ATXN2: variants seen among roughly 807,000 people sequenced by gnomAD.
ATXN2 encodes ataxin-2.
In ATXN2, 37 loss-of-function variants were observed where a neutral mutation model predicts 138.6. That is an observed-to-expected ratio of 0.27 (90% confidence interval 0.21 to 0.35). The LOEUF is 0.35. Ranked by LOEUF, ATXN2 falls within the 10% of genes least tolerant of loss-of-function variation. The pLI, the probability that ATXN2 is intolerant of heterozygous loss-of-function variation, is 1.00. For synonymous variants in ATXN2, 549 were observed against 543.7 expected (o/e 1.01, Z -0.13); for missense variants, 1,216 against 1,480.3 (o/e 0.82, Z 2.93).
chr12:111,487,293 G>A (rs1566019814), intron 15 of ATXN2, among the ~76,000 whole-genome samples: 1 of 151,754 alleles, frequency 6.6e-6, no homozygotes, highest in Non-Finnish European at 1.5e-5. Context: ...CACCATTTTG[G>A]CCACGCTGAC....
intron 14 of ATXN2, among the ~76,000 whole-genome samples, chr12:111,491,326 C>A (rs4354748): frequency 0.071 from 10,850 of 152,120 alleles, 1,347 homozygotes; most frequent in East Asian, 0.57. Context: ...CCTAAATAAA[C>A]TTGAAAGGCA....
chr12:111,520,019 G>C lies in ATXN2; in HGVS notation c.846C>G (p.Asn282Lys), dbSNP rs1880068395. ...TTGACTCAATTTCTTCTGCTAACTG[G>C]TTTGCCCTTGCTTCCCGTTTTAAAA... Reference protein sequence around the residue: ...EEFLKREARANQLAEEIESSA... With the variant: ...EEFLKREARAKQLAEEIESSA... Residue 282 changes from asparagine (N) to lysine (K), a missense_variant, in exon 8 of 25, where the codon AAC becomes AAG. Physicochemically the swap from Asn to Lys is moderately conservative, Grantham distance 94 (BLOSUM62 0). Around this residue, in one of 4 missense-constraint regions of ATXN2, gnomAD observed 401 missense variants for 528.1 expected, o/e 0.76. Coordinates refer to ENST00000673436, the MANE Select transcript of ATXN2 (RefSeq NM_001372574.1). 1 of 1,614,000 alleles carries C rather than the reference G, an allele frequency of 6.2e-7. No homozygotes were observed. Among genetic ancestry groups the C allele is most frequent in the African/African-American group, 1.3e-5 (1 of 74,986 alleles).
intron 8 of ATXN2, among the ~76,000 whole-genome samples, chr12:111,518,725 T>C (rs888032107): frequency 6.6e-5 from 10 of 152,162 alleles, no homozygotes; most frequent in African/African-American, 1.2e-4. Flanking sequence ...CTTCACAACA[T>C]TTTTTGTCCT....
chr12:111,531,325 A>T (rs1297453931), intron 5 of ATXN2, among the ~76,000 whole-genome samples: 2 of 152,242 alleles, frequency 1.3e-5, no homozygotes, highest in East Asian at 3.9e-4. Context: ...AGGCAGGCGA[A>T]TTGCTTGAAC....
At chr12:111,513,566 TAA>T (rs780223738) in intron 10 of ATXN2, 27 bp from the exon 11 acceptor site, 1 of 1,595,316 alleles carries the variant, frequency 6.3e-7, no homozygotes, top group Non-Finnish European at 8.5e-7. Context: ...GAACATCACA[TAA>T]ATTCCATGAT....
intron 14 of ATXN2, among the ~76,000 whole-genome samples, chr12:111,505,921 A>C (rs535452368): frequency 6.6e-6 from 1 of 152,366 alleles, no homozygotes; most frequent in Admixed American, 6.5e-5. Flanking sequence ...CAGAATAGTC[A>C]AACAGTGAGA....
chr12:111,502,424 GTTCTTTTTTT>G (rs1201344211), intron 14 of ATXN2, among the ~76,000 whole-genome samples: 2 of 151,954 alleles, frequency 1.3e-5, no homozygotes, highest in Non-Finnish European at 2.9e-5. Flanking sequence ...GAAAACTTAA[GTTCTTTTTTT>G]TTCTTTTTTT....
chr12:111,585,868 G>GT (rs1592931400), intron 1 of ATXN2, among the ~76,000 whole-genome samples: 1 of 143,286 alleles, frequency 7.0e-6, no homozygotes, highest in East Asian at 2.1e-4. Context: ...TCTTGTGTCT[G>GT]TTTTTTAGTA....
At chr12:111,528,294 T>C (rs747020921) in intron 5 of ATXN2, among the ~76,000 whole-genome samples, 23 of 152,186 alleles carry the variant, frequency 1.5e-4, no homozygotes, top group Admixed American at 1.3e-4. Flanking sequence ...TGAAAATATT[T>C]AGAAAGTCTT....
At chr12:111,476,999 C>T (rs1180818004) in intron 18 of ATXN2, among the ~76,000 whole-genome samples, 2 of 151,966 alleles carry the variant, frequency 1.3e-5, no homozygotes, top group Non-Finnish European at 2.9e-5. Flanking sequence ...ATCAATACAA[C>T]AAAACAGTTC....
At chr12:111,513,089 C>T (rs1297857993) in intron 11 of ATXN2, 3 of 392,714 alleles carry the variant, frequency 7.6e-6, no homozygotes, top group Non-Finnish European at 1.4e-5. Context: ...AATCTCATCA[C>T]AATCCCATAA....
At chr12:111,506,518 C>T (rs945469349) in intron 14 of ATXN2, among the ~76,000 whole-genome samples, 4 of 151,926 alleles carry the variant, frequency 2.6e-5, no homozygotes, top group African/African-American at 9.7e-5. Context: ...ATATTAAATT[C>T]AATCCAAGTG....
chr12:111,502,258 ATAC>A (rs2135718519), intron 14 of ATXN2, among the ~76,000 whole-genome samples: 2 of 152,284 alleles, frequency 1.3e-5, no homozygotes, highest in South Asian at 2.1e-4. Flanking sequence ...TTTGATGTAG[ATAC>A]TATTATTGCC....
intron 1 of ATXN2, among the ~76,000 whole-genome samples, chr12:111,565,104 T>A (rs7137348): frequency 0.1 from 15,277 of 152,164 alleles, 2,558 homozygotes; most frequent in African/African-American, 0.35. Flanking sequence ...ATGTCATGAA[T>A]GTCCCCATAT....
chr12:111,512,325 G>A (rs973643194), intron 11 of ATXN2: 1 of 151,994 alleles, frequency 6.6e-6, no homozygotes, highest in Admixed American at 6.6e-5. Context: ...TTGTTTGTTT[G>A]TTTTAAGTAT....
chr12:111,516,504 TAA>T lies in ATXN2; in HGVS notation c.1166-143_1166-142del. The T allele has an allele frequency of 2.4e-6, 2 of 831,758 alleles. No individual in the cohort carries two copies. The highest frequency in any genetic ancestry group is 3.7e-6 in the Non-Finnish European group (2 of 543,442). 51.5% of individuals were successfully genotyped at this position (831,758 alleles called of 1,614,324 possible). ...TTGAGGACAGTCATTTGATTTGTGA[TAA>T]GTTTTAGCATAACTTAACTGACATA... On this transcript the variant is annotated intron_variant, in intron 9 of 24. Coordinates refer to ENST00000673436, the MANE Select transcript of ATXN2 (RefSeq NM_001372574.1). This position sits in a 1 kb window ranked among gnomAD's most constrained non-coding sequence, Gnocchi z 5.0.
chr12:111,503,419 T>A (rs1017357269), intron 14 of ATXN2, among the ~76,000 whole-genome samples: 24 of 152,120 alleles, frequency 1.6e-4, no homozygotes, highest in Non-Finnish European at 5.9e-5. Flanking sequence ...AGAACTTGCT[T>A]GACAGAGATG....
chr12:111,521,641 C>T (rs373354661), intron 6 of ATXN2, among the ~76,000 whole-genome samples: 1 of 152,120 alleles, frequency 6.6e-6, no homozygotes, highest in East Asian at 1.9e-4. Context: ...AGTTGTGACA[C>T]CTCAGAAGTG....
At chr12:111,536,041 G>A (rs905179300) in intron 5 of ATXN2, among the ~76,000 whole-genome samples, 1 of 151,748 alleles carries the variant, frequency 6.6e-6, no homozygotes, top group African/African-American at 2.4e-5. Context: ...GAGAGATAAG[G>A]TTGAAAAAGA....
Sources: allele counts gnomAD v4.1 joint callset (sites outside exome capture counted in the v4.1 genomes callset), GRCh38; gene constraint gnomAD v4.1.1; regional missense constraint gnomAD v4.1.1; non-coding constraint Gnocchi (gnomAD v3.1); transcripts MANE v1.5; gene names NCBI Gene and HGNC (gene_info 2026-07-23, HGNC 2026-07-21).